The following PCDH15 variants were observed in gnomAD, a reference collection of about 807,000 sequenced individuals.
The protein encoded by PCDH15 is protocadherin related 15, also known as protocadherin-15.
In PCDH15, 129 loss-of-function variants were observed where a neutral mutation model predicts 178.5. The observed-to-expected ratio is 0.72, with a 90% CI of 0.63 to 0.84. The LOEUF (loss-of-function observed/expected upper bound fraction) is 0.84, where lower values mean the gene tolerates loss of function less well. PCDH15 is among the 40% of genes least tolerant of loss of function. The probability of loss-of-function intolerance (pLI) is 0.00; values close to 1 mark genes in which losing one functional copy is unlikely to be tolerated. For synonymous variants in PCDH15, 800 were observed against 732.0 expected (o/e 1.09, Z -1.50); for missense variants, 2,230 against 2,099.9 (o/e 1.06, Z -1.21).
rs565293201 is a variant in PCDH15 at position 54,567,460 on chromosome 10, G to T, written c.92-39583C>A. Among the ~76,000 whole-genome samples the T allele has an allele frequency of 8.5e-5, 13 of 152,192 alleles. No homozygotes were observed. In the South Asian group the frequency reaches 2.5e-3, roughly 29 times the overall value. On this transcript the variant is annotated intron_variant, in intron 2 of 37. Coordinates refer to ENST00000644397, the MANE Select transcript of PCDH15 (RefSeq NM_001384140.1). ...TAATAGAAATCATATTTTTGAAAAA[G>T]AAATATAGTTAAATTATATCATTTC...
At chr10:54,313,593 G>T (rs182136782) in intron 8 of PCDH15, among the ~76,000 whole-genome samples, 1 of 152,144 alleles carries the variant, frequency 6.6e-6, no homozygotes, top group Admixed American at 6.6e-5. Flanking sequence ...GGACTCAAAT[G>T]TATCTTAATT....
intron 21 of PCDH15, among the ~76,000 whole-genome samples, chr10:53,976,119 G>A (rs2090161640): frequency 6.6e-6 from 1 of 152,040 alleles, no homozygotes; most frequent in African/African-American, 2.4e-5. Flanking sequence ...CTGTTCCACT[G>A]GTCTATGTGT....
At chr10:55,602,526 C>T (rs572044510) in intron 2 of PCDH15, among the ~76,000 whole-genome samples, 7 of 148,534 alleles carry the variant, frequency 4.7e-5, no homozygotes, top group East Asian at 1.9e-4. Flanking sequence ...TCTCCCAGCA[C>T]GCAGCTGGAG....
chr10:55,186,213 G>T (rs964077021), intron 1 of PCDH15, among the ~76,000 whole-genome samples: 2 of 151,116 alleles, frequency 1.3e-5, no homozygotes, highest in Non-Finnish European at 3.0e-5. Flanking sequence ...GATAAATAAA[G>T]AATGGATTAA....
chr10:55,069,335 C>G (rs1378002814), intron 2 of PCDH15, among the ~76,000 whole-genome samples: 1 of 146,130 alleles, frequency 6.8e-6, no homozygotes, highest in Non-Finnish European at 1.5e-5. Flanking sequence ...GTGCAGGTTA[C>G]TTACATATGT....
intron 26 of PCDH15, among the ~76,000 whole-genome samples, chr10:53,888,836 C>T (rs1198592986): frequency 2.0e-5 from 3 of 149,038 alleles, no homozygotes; most frequent in African/African-American, 7.3e-5. Context: ...TATTATAAAA[C>T]TATAGTAATT....
intron 11 of PCDH15, among the ~76,000 whole-genome samples, chr10:54,188,947 T>A (rs2048719187): frequency 6.6e-6 from 1 of 151,948 alleles, no homozygotes; most frequent in Admixed American, 6.6e-5. Flanking sequence ...CCTCAGCCAG[T>A]TTTAATTACT....
At chr10:55,111,842 A>G (rs1837514852) in intron 2 of PCDH15, among the ~76,000 whole-genome samples, 1 of 152,214 alleles carries the variant, frequency 6.6e-6, no homozygotes, top group African/African-American at 2.4e-5. Flanking sequence ...AACAAGAGTG[A>G]AACTCCATCT....
At chr10:55,538,401 C>CCTTCCTTCCTTCCTTCCTTT (rs1841638214) in intron 2 of PCDH15, among the ~76,000 whole-genome samples, 1 of 70,324 alleles carries the variant, frequency 1.4e-5, no homozygotes, top group Admixed American at 1.3e-4. Context: ...TTCCTTTCTT[C>CCTTCCTTCCTTCCTTCCTTT]CTTCCTTCCT....
chr10:54,400,219 AG>A (rs1951763511), intron 3 of PCDH15, among the ~76,000 whole-genome samples: 1 of 152,146 alleles, frequency 6.6e-6, no homozygotes, highest in Non-Finnish European at 1.5e-5. Flanking sequence ...ATCTAGAGAA[AG>A]GAATACATGT....
chr10:54,445,146 CTT>C (rs373669448), intron 3 of PCDH15, among the ~76,000 whole-genome samples: 1 of 151,160 alleles, frequency 6.6e-6, no homozygotes, highest in South Asian at 2.1e-4. Flanking sequence ...AAGCCCTTGA[CTT>C]TTCACTTCTC....
At chr10:54,256,263 TA>T (rs374490947) in intron 8 of PCDH15, among the ~76,000 whole-genome samples, 3 of 151,584 alleles carry the variant, frequency 2.0e-5, no homozygotes, top group Admixed American at 6.6e-5. Context: ...GCAGAAAAGA[TA>T]AAAAAAAGCA....
chr10:54,380,759 C>T (rs1318518348), intron 3 of PCDH15, among the ~76,000 whole-genome samples: 2 of 124,270 alleles, frequency 1.6e-5, no homozygotes, highest in African/African-American at 3.4e-5. Context: ...CTCCAAGCTG[C>T]GAGCAGATAC....
chr10:55,548,209 T>C (rs1199317871), intron 2 of PCDH15, among the ~76,000 whole-genome samples: 3 of 116,096 alleles, frequency 2.6e-5, no homozygotes, highest in South Asian at 2.8e-4. Flanking sequence ...AAATGCCTAA[T>C]GCACACACAC....
At chr10:54,317,778 C>T (rs369022896) in intron 7 of PCDH15, among the ~76,000 whole-genome samples, 1 of 151,288 alleles carries the variant, frequency 6.6e-6, no homozygotes, top group East Asian at 1.9e-4. Flanking sequence ...TCTCAAAAAA[C>T]AACAACAAAA....
At chr10:54,468,248 T>C (rs918333189) in intron 3 of PCDH15, among the ~76,000 whole-genome samples, 88 of 151,992 alleles carry the variant, frequency 5.8e-4, no homozygotes, top group African/African-American at 1.9e-3. Flanking sequence ...GGTGTATCAT[T>C]AGATTGTTTA....
intron 3 of PCDH15, among the ~76,000 whole-genome samples, chr10:54,506,305 A>T (rs888554204): frequency 6.6e-6 from 1 of 152,026 alleles, no homozygotes; most frequent in African/African-American, 2.4e-5. Flanking sequence ...GTTTCTATAT[A>T]GTCAGTATTT....
At chr10:54,777,495 A>G (rs1335835440) in intron 1 of PCDH15, among the ~76,000 whole-genome samples, 1 of 152,218 alleles carries the variant, frequency 6.6e-6, no homozygotes, top group Non-Finnish European at 1.5e-5. Context: ...GGAGGATTTC[A>G]AGGATATGAG....
chr10:55,196,862 G>A (rs896963611), intron 1 of PCDH15, among the ~76,000 whole-genome samples: 5 of 151,924 alleles, frequency 3.3e-5, no homozygotes, highest in South Asian at 2.1e-4. Context: ...TGAGATGAGC[G>A]AGAATAGCTA....
Sources: gnomAD v4.1 joint callset for allele counts (sites outside exome capture counted in the v4.1 genomes callset) on GRCh38, gnomAD v4.1.1 for gene constraint, MANE v1.5 for transcripts, NCBI Gene and HGNC (gene_info 2026-07-23, HGNC 2026-07-21) for gene names.